The following RYR2 variants were observed in gnomAD, a reference collection of about 807,000 sequenced individuals.
RYR2 encodes cardiac muscle ryanodine receptor-calcium release channel.
A neutral mutation model predicts 601.1 loss-of-function variants in RYR2; 227 were observed. The observed-to-expected ratio is 0.38, with a 90% CI of 0.34 to 0.42. The LOEUF (loss-of-function observed/expected upper bound fraction) is 0.42. Among genes scored for constraint, RYR2 ranks in the 10% least tolerant of loss-of-function variants. RYR2 has a pLI of 1.00. For missense variants in RYR2, 4,646 were observed against 6,156.5 expected, an observed-to-expected ratio of 0.75 and a Z score of 8.21; for synonymous variants, 2,223 against 2,175.1, an observed-to-expected ratio of 1.02 and a Z score of -0.61.
chr1:237,584,649 G>GTTTTTTTTT lies in RYR2; in HGVS notation c.3599-5128_3599-5120dup, dbSNP rs61131096. 4.0e-4 allele frequency among the ~76,000 whole-genome samples: 29 copies of GTTTTTTTTT among 72,450 alleles called. 2 individuals carry two copies. The highest frequency in any genetic ancestry group is 1.3e-3 in the East Asian group (3 of 2,240). The allele number at this position is 72,450 out of a possible 152,430, so 47.5% of individuals were successfully genotyped here. A position where few individuals can be genotyped will look rare whatever the true frequency, so the allele number is the denominator to read the frequency against. ...AAGGCCCAAATCCAGCTCACCACCT[G>GTTTTTTTTT]TTTTTTTTTTTTTTTTTTTTTTTTG... On this transcript the variant is annotated intron_variant, in intron 29 of 104. Transcript: ENST00000366574.
At chr1:237,047,649 T>C (rs535146389) in intron 1 of RYR2, among the ~76,000 whole-genome samples, 1 of 152,308 alleles carries the variant, frequency 6.6e-6, no homozygotes, top group African/African-American at 2.4e-5. Context: ...TCTCTGTCCC[T>C]ATTCCCTTAG....
chr1:237,612,316 T>C (rs1677967886), intron 36 of RYR2, among the ~76,000 whole-genome samples: 5 of 152,112 alleles, frequency 3.3e-5, no homozygotes, highest in Non-Finnish European at 7.4e-5. Context: ...TAAATTCCTT[T>C]TGGGATGATA....
chr1:237,278,184 C>T (rs1478971553), intron 2 of RYR2, among the ~76,000 whole-genome samples: 2 of 151,712 alleles, frequency 1.3e-5, no homozygotes, highest in Admixed American at 6.6e-5. Flanking sequence ...AGTCTTCCCA[C>T]CTCAGCCTTC....
At chr1:237,158,957 A>G (rs946029575) in intron 1 of RYR2, among the ~76,000 whole-genome samples, 2 of 152,250 alleles carry the variant, frequency 1.3e-5, no homozygotes, top group Non-Finnish European at 2.9e-5. Context: ...CCCATAAATC[A>G]ACACACGGTA....
At chr1:237,816,671 G>A (rs897027504) in intron 100 of RYR2, among the ~76,000 whole-genome samples, 7 of 147,806 alleles carry the variant, frequency 4.7e-5, no homozygotes, top group African/African-American at 1.0e-4. Context: ...CCTGGGAGAC[G>A]GAGCGAGACT....
Position 237,694,293 on chromosome 1 carries a change from CA to C in RYR2, c.9068-4655del, listed in dbSNP as rs35085689. 8.5e-3 allele frequency among the ~76,000 whole-genome samples: 785 copies of C among 91,886 alleles called. 4 individuals carry two copies. The highest frequency in any genetic ancestry group is 0.012 in the Non-Finnish European group (542 of 44,474). The allele number at this position is 91,886 out of a possible 152,430, so 60.3% of individuals were successfully genotyped here. A position where few individuals can be genotyped will look rare whatever the true frequency, so the allele number is the denominator to read the frequency against. ...TGGGCGACACGGCGAGACTCCCTCTCAAAAAAAAAAAAAAAAAGAAAAATTA... is the reference window on the plus strand; with the variant it reads ...TGGGCGACACGGCGAGACTCCCTCTCAAAAAAAAAAAAAAAAGAAAAATTA... On this transcript the variant is annotated intron_variant, in intron 63 of 104. Transcript: ENST00000366574.
intron 10 of RYR2, among the ~76,000 whole-genome samples, chr1:237,396,190 G>A (rs1260195300): frequency 3.3e-5 from 5 of 152,086 alleles, no homozygotes; most frequent in Admixed American, 6.6e-5. Context: ...AATTAGGGGC[G>A]GGGAAAGAAA....
At position 237,625,728 on chromosome 1, in the gene RYR2, A is replaced by T. The variant is rs765433476; in HGVS notation, c.6090A>T (p.Leu2030=). The T allele has an allele frequency of 1.9e-6, 3 of 1,613,854 alleles. No individual in the cohort carries two copies. In the East Asian group the frequency reaches 6.7e-5, roughly 36 times the overall value. ...ATTTAACAATTAGAGGGCGTCTGCTATCCCTGGTAGAAAAGGTGACATATC... is the reference window on the plus strand; with the variant it reads ...ATTTAACAATTAGAGGGCGTCTGCTTTCCCTGGTAGAAAAGGTGACATATC... ...NSDLTIRGRL[L]SLVEKVTYLK... The change falls in exon 40 of 105, where the codon CTA becomes CTT. Residue 2030 remains leucine (L), a synonymous_variant. Coordinates refer to ENST00000366574, the MANE Select transcript of RYR2 (RefSeq NM_001035.3).
At chr1:237,172,345 A>C (rs1447249700) in intron 1 of RYR2, among the ~76,000 whole-genome samples, 1 of 152,226 alleles carries the variant, frequency 6.6e-6, no homozygotes, top group Non-Finnish European at 1.5e-5. Context: ...ACAGTGTGCA[A>C]ACTGGGTACC....
intron 24 of RYR2, among the ~76,000 whole-genome samples, chr1:237,523,789 G>C (rs757702819): frequency 1.3e-5 from 2 of 149,342 alleles, no homozygotes; most frequent in African/African-American, 4.9e-5. Context: ...AAGATACACA[G>C]ATGGCTAATA....
intron 1 of RYR2, among the ~76,000 whole-genome samples, chr1:237,053,110 G>A (rs1661490877): frequency 3.3e-5 from 5 of 152,122 alleles, no homozygotes; most frequent in Admixed American, 3.3e-4. Context: ...GCCTCCCAAA[G>A]TGCTGGGATT....
chr1:237,553,046 A>T (rs188007758), intron 27 of RYR2, among the ~76,000 whole-genome samples: 132 of 151,926 alleles, frequency 8.7e-4, no homozygotes, highest in African/African-American at 3.0e-3. Flanking sequence ...TTGCTTTTTC[A>T]CTTTCTTAAT....
chr1:237,472,279 A>G (rs1474906334), intron 17 of RYR2, among the ~76,000 whole-genome samples: 1 of 151,982 alleles, frequency 6.6e-6, no homozygotes, highest in Non-Finnish European at 1.5e-5. Flanking sequence ...CTGAACACAC[A>G]CTCTCCTCAT....
chr1:237,133,288 C>G (rs1672354996), intron 1 of RYR2, among the ~76,000 whole-genome samples: 1 of 151,990 alleles, frequency 6.6e-6, no homozygotes, highest in Non-Finnish European at 1.5e-5. Flanking sequence ...TGGGAAAGAA[C>G]AAATCAAGAA....
At chr1:237,752,551 A>G (rs1425409109) in intron 80 of RYR2, among the ~76,000 whole-genome samples, 1 of 152,210 alleles carries the variant, frequency 6.6e-6, no homozygotes, top group Non-Finnish European at 1.5e-5. Context: ...TCAACTCTAC[A>G]GAAATGTAGC....
chr1:237,764,952 T>C (rs982530749), intron 84 of RYR2, among the ~76,000 whole-genome samples: 2 of 152,164 alleles, frequency 1.3e-5, no homozygotes, highest in African/African-American at 4.8e-5. Context: ...CTGTTTTTTT[T>C]CTGCTGCCAT....
chr1:237,156,313 G>C (rs1280053694), intron 1 of RYR2, among the ~76,000 whole-genome samples: 1 of 152,022 alleles, frequency 6.6e-6, no homozygotes, highest in Non-Finnish European at 1.5e-5. Flanking sequence ...AATTTTTTTT[G>C]TTATGTACAT....
chr1:237,613,823 C>T (rs538022798), intron 36 of RYR2, among the ~76,000 whole-genome samples: 12 of 152,204 alleles, frequency 7.9e-5, no homozygotes, highest in East Asian at 1.9e-4. Flanking sequence ...GATGCTCAAC[C>T]GGTAAGTATA....
intron 1 of RYR2, among the ~76,000 whole-genome samples, chr1:237,217,163 G>A (rs1306803194): frequency 6.6e-6 from 1 of 152,160 alleles, no homozygotes; most frequent in Non-Finnish European, 1.5e-5. Context: ...AGGACACTGA[G>A]TATCATGGGT....
Sources: allele counts gnomAD v4.1 joint callset (sites outside exome capture counted in the v4.1 genomes callset), GRCh38; gene constraint gnomAD v4.1.1; transcripts MANE v1.5; gene names NCBI Gene and HGNC (gene_info 2026-07-23, HGNC 2026-07-21).